DPYSL5: variants seen among roughly 807,000 people sequenced by gnomAD.
DPYSL5 encodes dihydropyrimidinase-related protein 5.
Under a neutral mutation model 58.4 loss-of-function variants are expected in DPYSL5, and 9 were observed. The ratio of observed to expected loss-of-function variants is 0.15; its 90% CI spans 0.09 to 0.27. DPYSL5 has a LOEUF of 0.27. Among genes scored for constraint, DPYSL5 ranks in the 10% least tolerant of loss-of-function variants. DPYSL5 has a pLI of 1.00. For missense variants in DPYSL5, 499 were observed against 770.6 expected (o/e 0.65, Z 4.17); for synonymous variants, 293 against 301.9 (o/e 0.97, Z 0.31).
At chr2:26,901,871 C>T (rs1664168535) in intron 2 of DPYSL5, among the ~76,000 whole-genome samples, 1 of 148,350 alleles carries the variant, frequency 6.7e-6, no homozygotes, top group South Asian at 2.2e-4. Flanking sequence ...TTTCCGAGAA[C>T]ATCTGGGCCT....
chr2:26,897,930 G>A (rs914624205), intron 1 of DPYSL5, among the ~76,000 whole-genome samples: 2 of 152,130 alleles, frequency 1.3e-5, no homozygotes, highest in African/African-American at 4.8e-5. Context: ...CAAAATAGGA[G>A]CATGAAGGAA....
chr2:26,912,293 G>A (rs892102411), intron 2 of DPYSL5, among the ~76,000 whole-genome samples: 8 of 152,190 alleles, frequency 5.3e-5, no homozygotes, highest in African/African-American at 1.2e-4. Context: ...CACAGCCCCC[G>A]TTCCTGGAAA....
At chr2:26,945,295 C>A (rs1236885115) in intron 12 of DPYSL5, among the ~76,000 whole-genome samples, 1 of 127,144 alleles carries the variant, frequency 7.9e-6, no homozygotes, top group East Asian at 2.5e-4. Context: ...TTTGCCTCAC[C>A]TTCACCTTCT....
chr2:26,939,975 C>G, intron 8 of DPYSL5, 56 bp from the exon 9 acceptor site: 1 of 1,608,440 alleles, frequency 6.2e-7, no homozygotes, highest in East Asian at 2.2e-5. Flanking sequence ...CTATCCTCAC[C>G]CTCTAAGTTC....
intron 2 of DPYSL5, among the ~76,000 whole-genome samples, chr2:26,901,669 A>C (rs1572697021): frequency 6.6e-6 from 1 of 152,040 alleles, no homozygotes; most frequent in East Asian, 1.9e-4. Context: ...GGAAAATCTC[A>C]CCCGAACGAT....
In DPYSL5 at chr2:26,944,894, T is replaced by TA. The variant is rs1665428198; in HGVS notation, c.1609+71dup. On this transcript the variant is annotated intron_variant, in intron 12 of 12. Coordinates refer to ENST00000288699, the MANE Select transcript of DPYSL5 (RefSeq NM_020134.4). The surrounding 1 kb of genome is among the most constrained non-coding windows in gnomAD (Gnocchi z 4.4). ...AGTGGCCCACCTAGGCAGTGGGACT[T>TA]ACGCCTGCTTTTCTTTTGTGTCCTC... 4 of 1,469,214 alleles carry TA rather than the reference T, an allele frequency of 2.7e-6. No individual in the cohort carries two copies. Among genetic ancestry groups the TA allele is most frequent in the East Asian group, 2.3e-5 (1 of 44,104 alleles). 91.0% of individuals were successfully genotyped at this position (1,469,214 alleles called of 1,614,324 possible). A position where few individuals can be genotyped will look rare whatever the true frequency, so the allele number is the denominator to read the frequency against.
chr2:26,939,973 AC>A, intron 8 of DPYSL5, 57 bp from the exon 9 acceptor site: 1 of 1,607,252 alleles, frequency 6.2e-7, no homozygotes, highest in Non-Finnish European at 8.5e-7. Flanking sequence ...ATCTATCCTC[AC>A]CCTCTAAGTT....
rs1664563731 is a variant in DPYSL5 at position 26,916,344 on chromosome 2, CT to C, written c.262-8541del. 2.6e-5 allele frequency among the ~76,000 whole-genome samples: 4 copies of C among 152,278 alleles called. No individual in the cohort carries two copies. In the South Asian group the frequency reaches 8.3e-4, roughly 32 times the overall value. On this transcript the variant is annotated intron_variant, in intron 2 of 12. Coordinates refer to ENST00000288699, the MANE Select transcript of DPYSL5 (RefSeq NM_020134.4). ...AGAGCCTGCTTGTGGCTGCACGTGGCTTACAGCAGAGATCAAGTGCATCCCA... is the reference window on the plus strand; with the variant it reads ...AGAGCCTGCTTGTGGCTGCACGTGGCTACAGCAGAGATCAAGTGCATCCCA...
chr2:26,852,727 G>A (rs182883557), intron 1 of DPYSL5, among the ~76,000 whole-genome samples: 403 of 152,280 alleles, frequency 2.6e-3, no homozygotes, highest in African/African-American at 9.3e-3. Flanking sequence ...TATTAGGTTG[G>A]TGCAGAAGTA....
intron 2 of DPYSL5, among the ~76,000 whole-genome samples, chr2:26,906,224 A>T (rs532730160): frequency 6.8e-6 from 1 of 147,044 alleles, no homozygotes; most frequent in Non-Finnish European, 1.5e-5. Flanking sequence ...TTGCTCTGTC[A>T]CCAGGCTGGA....
intron 5 of DPYSL5, among the ~76,000 whole-genome samples, chr2:26,928,722 T>C (rs77920959): frequency 0.27 from 14,009 of 51,636 alleles, 3,227 homozygotes; most frequent in East Asian, 0.34. Context: ...CACACATACA[T>C]ATATATACGC....
Position 26,849,239 on chromosome 2 carries a change from T to C in DPYSL5, c.-5+985T>C, listed in dbSNP as rs924247633. ...TGAAGAATGGGGAGGGGAGGAGGGA[T>C]GCAGGCGGGTGGAGGCCGCCTGGGT... On this transcript the variant is annotated intron_variant, in intron 1 of 12. Transcript: ENST00000288699. The surrounding 1 kb of genome is among the most constrained non-coding windows in gnomAD (Gnocchi z 6.2). 2.9e-4 allele frequency among the ~76,000 whole-genome samples: 42 copies of C among 143,604 alleles called. No homozygotes were observed. The highest frequency in any genetic ancestry group is 9.9e-4 in the African/African-American group (38 of 38,448). The allele number at this position is 143,604 out of a possible 152,430, so 94.2% of individuals were successfully genotyped here. A position where few individuals can be genotyped will look rare whatever the true frequency, so the allele number is the denominator to read the frequency against.
intron 2 of DPYSL5, among the ~76,000 whole-genome samples, chr2:26,919,987 A>T (rs1208690658): frequency 1.3e-5 from 2 of 152,244 alleles, no homozygotes; most frequent in Non-Finnish European, 2.9e-5. Flanking sequence ...GTTGCAAAAG[A>T]ATATAGACAG....
intron 1 of DPYSL5, among the ~76,000 whole-genome samples, chr2:26,869,062 T>C (rs574386233): frequency 3.3e-5 from 5 of 152,282 alleles, no homozygotes; most frequent in Admixed American, 1.3e-4. Context: ...CCTCCTGGGC[T>C]CAAGCGATCC....
intron 2 of DPYSL5, among the ~76,000 whole-genome samples, chr2:26,916,767 G>T (rs1216861662): frequency 6.6e-6 from 1 of 152,146 alleles, no homozygotes; most frequent in Non-Finnish European, 1.5e-5. Context: ...CCGCATCGAG[G>T]AATACTATCT....
intron 3 of DPYSL5, among the ~76,000 whole-genome samples, chr2:26,926,672 T>C: frequency 6.6e-6 from 1 of 152,190 alleles, no homozygotes; most frequent in Non-Finnish European, 1.5e-5. Context: ...TGCCATGAAG[T>C]TCATGAACCA....
intron 12 of DPYSL5, 92 bp from the exon 13 acceptor site, chr2:26,946,818 C>A: frequency 1.1e-6 from 1 of 917,992 alleles, no homozygotes; most frequent in Admixed American, 2.0e-5. Context: ...TTCACTCAGG[C>A]CATGCACACA....
rs970802328 is a variant in DPYSL5 at position 26,896,893 on chromosome 2, T to C, written c.-4-1603T>C. Among the ~76,000 whole-genome samples, 6 of 152,246 alleles carry C rather than the reference T, an allele frequency of 3.9e-5. No homozygotes were observed. In the South Asian group the frequency reaches 1.2e-3, roughly 31 times the overall value. ...AACTTTTTAGTTTGACGCAATCCCA[T>C]TTGTCTATCTTTACTTTTGTTGTCT... On this transcript the variant is annotated intron_variant, in intron 1 of 12. Coordinates refer to ENST00000288699, the MANE Select transcript of DPYSL5 (RefSeq NM_020134.4).
intron 2 of DPYSL5, among the ~76,000 whole-genome samples, chr2:26,903,426 G>A (rs928450021): frequency 6.6e-6 from 1 of 152,104 alleles, no homozygotes. Flanking sequence ...CCTCTCTTGG[G>A]GTCTGGATAG....
Sources: gnomAD v4.1 joint callset for allele counts (sites outside exome capture counted in the v4.1 genomes callset) on GRCh38, gnomAD v4.1.1 for gene constraint, Gnocchi (gnomAD v3.1) non-coding constraint, MANE v1.5 for transcripts, NCBI Gene and HGNC (gene_info 2026-07-23, HGNC 2026-07-21) for gene names.